Variants in ROBO1 observed in about 807,000 individuals in gnomAD.
The protein encoded by ROBO1 is roundabout homolog 1.
In ROBO1, 149 loss-of-function variants were observed where a neutral mutation model predicts 195.9. The observed-to-expected ratio is 0.76, with a 90% CI of 0.67 to 0.87. The LOEUF (loss-of-function observed/expected upper bound fraction) is 0.87, where lower values mean the gene tolerates loss of function less well. Among genes scored for constraint, ROBO1 ranks in the 40% least tolerant of loss-of-function variants. ROBO1 has a pLI of 0.00. For missense variants in ROBO1, 1,933 were observed against 2,068.3 expected, an observed-to-expected ratio of 0.93 and a Z score of 1.27; for synonymous variants, 816 against 733.2, an observed-to-expected ratio of 1.11 and a Z score of -1.82.
intron 2 of ROBO1, among the ~76,000 whole-genome samples, chr3:79,214,789 T>TAC (rs1008873876): frequency 2.7e-5 from 4 of 147,456 alleles, no homozygotes; most frequent in Non-Finnish European, 6.0e-5. Context: ...TATATATATA[T>TAC]ACACCATACC....
intron 4 of ROBO1, among the ~76,000 whole-genome samples, chr3:78,884,804 G>A (rs1441718303): frequency 6.6e-6 from 1 of 151,418 alleles, no homozygotes; most frequent in Non-Finnish European, 1.5e-5. Flanking sequence ...AATTATTCCT[G>A]GATTGAGATA....
At chr3:79,360,900 A>C (rs936747182) in intron 2 of ROBO1, among the ~76,000 whole-genome samples, 2 of 152,082 alleles carry the variant, frequency 1.3e-5, no homozygotes, top group Non-Finnish European at 2.9e-5. Flanking sequence ...TACCCTTAAA[A>C]GTTTTGAACA....
intron 2 of ROBO1, among the ~76,000 whole-genome samples, chr3:79,202,180 A>T (rs2081778455): frequency 6.6e-6 from 1 of 151,896 alleles, no homozygotes. Flanking sequence ...AATACCGATA[A>T]CTGATTTTAT....
At chr3:79,609,455 A>T (rs546175974) in intron 1 of ROBO1, among the ~76,000 whole-genome samples, 1 of 152,092 alleles carries the variant, frequency 6.6e-6, no homozygotes, top group African/African-American at 2.4e-5. Flanking sequence ...AATTCCTTAA[A>T]ATAGTTAAGA....
At chr3:79,715,613 G>T (rs932715310) in intron 1 of ROBO1, among the ~76,000 whole-genome samples, 5 of 152,194 alleles carry the variant, frequency 3.3e-5, no homozygotes, top group Admixed American at 2.0e-4. Context: ...TCACTTTATG[G>T]TGATATGTAC....
chr3:79,513,938 T>C (rs1376470013), intron 2 of ROBO1, among the ~76,000 whole-genome samples: 1 of 152,222 alleles, frequency 6.6e-6, no homozygotes, highest in Non-Finnish European at 1.5e-5. Flanking sequence ...AATGTTGGTA[T>C]AACACAATTA....
At chr3:79,566,401 T>A (rs1027188222) in intron 2 of ROBO1, among the ~76,000 whole-genome samples, 3 of 152,146 alleles carry the variant, frequency 2.0e-5, no homozygotes, top group African/African-American at 7.2e-5. Context: ...TTATTTGTTA[T>A]AATAATATGA....
intron 1 of ROBO1, among the ~76,000 whole-genome samples, chr3:79,706,837 A>C (rs895822295): frequency 1.3e-5 from 2 of 152,132 alleles, no homozygotes; most frequent in African/African-American, 4.8e-5. Flanking sequence ...TGTCTTCATC[A>C]ACAGCATGAA....
chr3:79,473,984 G>T (rs1289697195), intron 2 of ROBO1, among the ~76,000 whole-genome samples: 1 of 152,096 alleles, frequency 6.6e-6, no homozygotes, highest in Non-Finnish European at 1.5e-5. Context: ...AAGCTCATAT[G>T]TGTGAAGTGT....
At chr3:79,628,371 A>G (rs1217583004) in intron 1 of ROBO1, among the ~76,000 whole-genome samples, 1 of 152,168 alleles carries the variant, frequency 6.6e-6, no homozygotes, top group East Asian at 1.9e-4. Flanking sequence ...TCCTCAGCAG[A>G]CTAACACAGC....
chr3:79,053,506 C>T (rs1367882194), intron 3 of ROBO1, among the ~76,000 whole-genome samples: 1 of 151,964 alleles, frequency 6.6e-6, no homozygotes, highest in Non-Finnish European at 1.5e-5. Flanking sequence ...CTAAAATTTA[C>T]CTGTAATTCT....
intron 2 of ROBO1, among the ~76,000 whole-genome samples, chr3:79,528,768 C>G (rs1941536728): frequency 6.6e-6 from 1 of 152,100 alleles, no homozygotes; most frequent in Non-Finnish European, 1.5e-5. Context: ...TCACATGGTG[C>G]CTGATAGAAT....
intron 4 of ROBO1, among the ~76,000 whole-genome samples, chr3:78,905,197 A>G (rs1447797216): frequency 1.3e-5 from 2 of 152,138 alleles, no homozygotes; most frequent in Admixed American, 1.3e-4. Flanking sequence ...ACTTCTTCCT[A>G]AGGAGCTCTT....
At chr3:79,629,922 C>T (rs190187467) in intron 1 of ROBO1, among the ~76,000 whole-genome samples, 5 of 151,748 alleles carry the variant, frequency 3.3e-5, no homozygotes, top group Admixed American at 3.3e-4. Flanking sequence ...CATGCAACCT[C>T]TCAATATTGA....
intron 4 of ROBO1, among the ~76,000 whole-genome samples, chr3:78,917,745 T>C (rs931838731): frequency 6.6e-6 from 1 of 152,216 alleles, no homozygotes; most frequent in Admixed American, 6.5e-5. Context: ...TGGGGACATA[T>C]TGCTCACTCA....
In ROBO1 at chr3:78,646,714, T is replaced by C. The variant is rs572286542; in HGVS notation, c.2840-524A>G. Among the ~76,000 whole-genome samples the C allele has an allele frequency of 6.6e-5, 10 of 151,992 alleles. No individual in the cohort carries two copies. In the East Asian group the frequency reaches 1.9e-3, roughly 29 times the overall value. ...ACACACAAAGATGTATGCCAAGTTGTGACTATTAATTCATGTGACCTATTT... is the reference window on the plus strand; with the variant it reads ...ACACACAAAGATGTATGCCAAGTTGCGACTATTAATTCATGTGACCTATTT... On this transcript the variant is annotated intron_variant, in intron 20 of 30. Coordinates refer to ENST00000464233, the MANE Select transcript of ROBO1 (RefSeq NM_002941.4).
chr3:79,438,970 C>T (rs770377215), intron 2 of ROBO1, among the ~76,000 whole-genome samples: 1 of 151,988 alleles, frequency 6.6e-6, no homozygotes, highest in Admixed American at 6.6e-5. Context: ...TTCATTTGCT[C>T]ATTGTCACCA....
At chr3:79,238,407 T>C (rs1305209357) in intron 2 of ROBO1, among the ~76,000 whole-genome samples, 1 of 152,172 alleles carries the variant, frequency 6.6e-6, no homozygotes, top group African/African-American at 2.4e-5. Flanking sequence ...GCCAAAATAA[T>C]GTTTCTAAAG....
intron 1 of ROBO1, among the ~76,000 whole-genome samples, chr3:79,611,484 A>G (rs898317027): frequency 6.6e-6 from 1 of 152,082 alleles, no homozygotes; most frequent in Non-Finnish European, 1.5e-5. Flanking sequence ...CTTGGAACCA[A>G]CCCAAATGTC....
Sources: gnomAD v4.1 joint callset for allele counts (sites outside exome capture counted in the v4.1 genomes callset) on GRCh38, gnomAD v4.1.1 for gene constraint, MANE v1.5 for transcripts, NCBI Gene and HGNC (gene_info 2026-07-23, HGNC 2026-07-21) for gene names.